The following CSMD2 variants were observed in gnomAD, a reference collection of about 807,000 sequenced individuals.
The protein encoded by CSMD2 is CUB and sushi domain-containing protein 2.
Under a neutral mutation model 398.5 loss-of-function variants are expected in CSMD2, and 130 were observed. The ratio of observed to expected loss-of-function variants is 0.33; its 90% CI spans 0.28 to 0.38. The LOEUF (loss-of-function observed/expected upper bound fraction) is 0.38, where lower values mean the gene tolerates loss of function less well. CSMD2 is among the 10% of genes least tolerant of loss of function. The pLI is 1.00. For missense variants in CSMD2, 3,829 were observed against 4,764.9 expected, an observed-to-expected ratio of 0.80 and a Z score of 5.78; for synonymous variants, 1,828 against 1,908.5, an observed-to-expected ratio of 0.96 and a Z score of 1.10.
rs1166677529 is a variant in CSMD2 at position 34,164,963 on chromosome 1, C to A, written c.135G>T (p.Pro45=). ...CACAGCCCAGCAACAGCAGCAGAGG[C>A]GGCGGCGTTGGCGGCGGCGGGCGGC... ...RWGRPPPPTP[P]PLLLLLGCGL... Residue 45 remains proline, a synonymous_variant, in exon 1 of 71, where the codon CCG becomes CCT. Coordinates refer to ENST00000373381, the MANE Select transcript of CSMD2 (RefSeq NM_001281956.2). This position sits in a 1 kb window ranked among gnomAD's most constrained non-coding sequence, Gnocchi z 6.2. The A allele has an allele frequency of 8.2e-7, 1 of 1,219,364 alleles. No individual in the cohort carries two copies. The highest frequency in any genetic ancestry group is 1.6e-5 in the African/African-American group (1 of 63,700). The allele number at this position is 1,219,364 out of a possible 1,614,324, so 75.5% of individuals were successfully genotyped here. A position where few individuals can be genotyped will look rare whatever the true frequency, so the allele number is the denominator to read the frequency against.
chr1:34,046,267 C>T (rs906370686), intron 2 of CSMD2, among the ~76,000 whole-genome samples: 5 of 152,084 alleles, frequency 3.3e-5, no homozygotes, highest in African/African-American at 1.2e-4. Context: ...GAAACACATA[C>T]CATTAGCAAT....
intron 3 of CSMD2, among the ~76,000 whole-genome samples, chr1:33,936,157 G>A (rs1644474974): frequency 6.6e-6 from 1 of 152,220 alleles, no homozygotes; most frequent in Non-Finnish European, 1.5e-5. Flanking sequence ...TAAGAGACAA[G>A]GGTTACTCAA....
chr1:33,802,334 A>G (rs1030747108), intron 10 of CSMD2, among the ~76,000 whole-genome samples: 1 of 152,200 alleles, frequency 6.6e-6, no homozygotes, highest in African/African-American at 2.4e-5. Flanking sequence ...TATTGAGTAC[A>G]GACATATCCT....
chr1:34,049,327 AGT>A (rs1652908954), intron 2 of CSMD2, among the ~76,000 whole-genome samples: 1 of 152,118 alleles, frequency 6.6e-6, no homozygotes, highest in South Asian at 2.1e-4. Flanking sequence ...CTTACTTCCC[AGT>A]GTCTGTTGTG....
chr1:34,015,787 A>C (rs969696800), intron 3 of CSMD2, among the ~76,000 whole-genome samples: 1 of 152,180 alleles, frequency 6.6e-6, no homozygotes, highest in African/African-American at 2.4e-5. Flanking sequence ...GATCCATTGG[A>C]TTAGCGACTC....
At chr1:34,038,505 C>A (rs975235847) in intron 2 of CSMD2, among the ~76,000 whole-genome samples, 19 of 152,182 alleles carry the variant, frequency 1.2e-4, no homozygotes, top group African/African-American at 4.3e-4. Context: ...TGCCTTCCTG[C>A]CAAAAGTAAC....
chr1:34,058,206 C>T (rs972763915), intron 2 of CSMD2, among the ~76,000 whole-genome samples: 4 of 152,142 alleles, frequency 2.6e-5, no homozygotes, highest in Non-Finnish European at 5.9e-5. Context: ...CAGACTCCAG[C>T]TCTGCCATTT....
intron 9 of CSMD2, among the ~76,000 whole-genome samples, chr1:33,818,454 C>T (rs549924591): frequency 6.6e-6 from 1 of 152,282 alleles, no homozygotes; most frequent in South Asian, 2.1e-4. Flanking sequence ...TACACATTCA[C>T]AACTCCATTC....
chr1:33,752,514 G>A (rs1055194248), intron 13 of CSMD2, among the ~76,000 whole-genome samples: 3 of 152,192 alleles, frequency 2.0e-5, no homozygotes, highest in Non-Finnish European at 2.9e-5. Context: ...AGAACCACGA[G>A]CCAAATCAAA....
At chr1:33,759,324 CTTTTTTTTTTT>C (rs756784492) in intron 13 of CSMD2, among the ~76,000 whole-genome samples, 1 of 124,792 alleles carries the variant, frequency 8.0e-6, no homozygotes, top group Non-Finnish European at 1.7e-5. Flanking sequence ...CTTTTTTTTT[CTTTTTTTTTTT>C]TTTTTTTTGA....
At chr1:34,130,190 G>A (rs1019706393) in intron 1 of CSMD2, among the ~76,000 whole-genome samples, 8 of 152,040 alleles carry the variant, frequency 5.3e-5, no homozygotes, top group Non-Finnish European at 8.8e-5. Flanking sequence ...GAGACAGACA[G>A]TAAACAAGTA....
At chr1:33,612,969 G>A (rs1332908942) in intron 40 of CSMD2, among the ~76,000 whole-genome samples, 1 of 152,248 alleles carries the variant, frequency 6.6e-6, no homozygotes, top group Non-Finnish European at 1.5e-5. Context: ...CCCTCATATA[G>A]GAGCCCTGCG....
intron 1 of CSMD2, among the ~76,000 whole-genome samples, chr1:34,160,384 TGGA>T (rs1316543490): frequency 6.6e-6 from 1 of 152,184 alleles, no homozygotes; most frequent in East Asian, 1.9e-4. Context: ...GGCTCAGGGT[TGGA>T]GGAGAGTGGT....
At chr1:34,088,446 GA>G (rs1375825550) in intron 2 of CSMD2, among the ~76,000 whole-genome samples, 1 of 152,158 alleles carries the variant, frequency 6.6e-6, no homozygotes, top group Non-Finnish European at 1.5e-5. Flanking sequence ...AGGGGTACAG[GA>G]AGCCATCTTA....
At chr1:33,581,529 C>CAAAA (rs59068586) in intron 47 of CSMD2, among the ~76,000 whole-genome samples, 174 of 36,884 alleles carry the variant, frequency 4.7e-3, no homozygotes, top group Non-Finnish European at 5.3e-3. Context: ...GACTCAGTCT[C>CAAAA]AAAAAAAAAA....
chr1:33,980,128 C>T lies in CSMD2; in HGVS notation c.518-44174G>A, dbSNP rs748206262. On this transcript the variant is annotated intron_variant, in intron 3 of 70. Transcript: ENST00000373381. ...CAGAACCCTCAACTCTTATCTGGGG[C>T]TGGGACTCTGGAACCTGGCCAGTTA... 3.3e-5 allele frequency among the ~76,000 whole-genome samples: 5 copies of T among 152,112 alleles called. 1 individual carries two copies. The highest frequency in any genetic ancestry group is 1.3e-4 in the Admixed American group (2 of 15,274).
chr1:33,554,433 T>C (rs1326557220), intron 55 of CSMD2, among the ~76,000 whole-genome samples: 1 of 152,100 alleles, frequency 6.6e-6, no homozygotes, highest in African/African-American at 2.4e-5. Flanking sequence ...GATCTTGTGA[T>C]CCACCTGCCT....
chr1:33,698,769 A>G lies in CSMD2; in HGVS notation c.3909T>C (p.Pro1303=). 6.2e-7 allele frequency: 1 copy of G among 1,612,948 alleles called. No homozygotes were observed. ...LSGERRTWDR[P]LPTCVAECGG... ...CCCTCCTACCGACACAGGTGGGCAG[A>G]GGCCGGTCCCAGGTCCGGCGCTCTC... The change falls in exon 24 of 71, where the codon CCT becomes CCC. Residue 1303 remains proline, a synonymous_variant. Coordinates refer to ENST00000373381, the MANE Select transcript of CSMD2 (RefSeq NM_001281956.2).
intron 10 of CSMD2, among the ~76,000 whole-genome samples, chr1:33,796,899 G>A (rs1428736561): frequency 1.3e-5 from 2 of 152,148 alleles, no homozygotes; most frequent in Non-Finnish European, 2.9e-5. Context: ...CGCTCTGGGA[G>A]TGTCTGTCTT....
Sources: allele counts gnomAD v4.1 joint callset (sites outside exome capture counted in the v4.1 genomes callset), GRCh38; gene constraint gnomAD v4.1.1; non-coding constraint Gnocchi (gnomAD v3.1); transcripts MANE v1.5; gene names NCBI Gene and HGNC (gene_info 2026-07-23, HGNC 2026-07-21).